The following PRKN variants were observed in gnomAD, a reference collection of about 807,000 sequenced individuals.
PRKN encodes the protein parkin RBR E3 ubiquitin protein ligase, also known as E3 ubiquitin-protein ligase parkin.
Under a neutral mutation model 59.5 loss-of-function variants are expected in PRKN, and 56 were observed. That is an observed-to-expected ratio of 0.94 (90% CI 0.76 to 1.18). The LOEUF (loss-of-function observed/expected upper bound fraction) is 1.18, where lower values mean the gene tolerates loss of function less well. PRKN is among the 50% of genes most tolerant of loss of function. The pLI is 0.00. For missense variants in PRKN, 657 were observed against 596.4 expected (o/e 1.10, Z -1.06); for synonymous variants, 250 against 222.1 (o/e 1.13, Z -1.12).
At chr6:162,297,333 GTA>G (rs1781726558) in intron 2 of PRKN, among the ~76,000 whole-genome samples, 2 of 152,104 alleles carry the variant, frequency 1.3e-5, no homozygotes, top group Non-Finnish European at 2.9e-5. Flanking sequence ...GATCCTGGTA[GTA>G]ATATTGATAT....
At chr6:162,378,968 T>C (rs1786277066) in intron 2 of PRKN, among the ~76,000 whole-genome samples, 1 of 152,150 alleles carries the variant, frequency 6.6e-6, no homozygotes, top group Admixed American at 6.5e-5. Context: ...TGACTCAATA[T>C]CAAGAACTCA....
At position 161,348,208 on chromosome 6, in the gene PRKN, G is replaced by A. The variant is rs2114819799; in HGVS notation, c.*1891C>T. ...GATTTGTCGCATCGGGCCAGTGTAA[G>A]GAAGTGTAATTTAGTGGGACTGCCA... is the stretch of plus-strand genomic sequence containing the variant. On this transcript the variant is annotated 3_prime_UTR_variant, in exon 12 of 12. Coordinates refer to ENST00000366898, the MANE Select transcript of PRKN (RefSeq NM_004562.3). The surrounding 1 kb of genome is among the most constrained non-coding windows in gnomAD (Gnocchi z 4.9). 4.9e-6 allele frequency: 1 copy of A among 205,952 alleles called. No individual in the cohort carries two copies. Among genetic ancestry groups the A allele is most frequent in the East Asian group, 7.3e-5 (1 of 13,702 alleles). 12.8% of individuals were successfully genotyped at this position (205,952 alleles called of 1,614,324 possible). A position where few individuals can be genotyped will look rare whatever the true frequency, so the allele number is the denominator to read the frequency against.
At chr6:162,063,130 A>G (rs1292757462) in intron 4 of PRKN, among the ~76,000 whole-genome samples, 2 of 152,240 alleles carry the variant, frequency 1.3e-5, no homozygotes, top group Admixed American at 6.5e-5. Flanking sequence ...TTGAATTTCA[A>G]TGAACATTAG....
chr6:161,620,248 C>T (rs1171035555), intron 7 of PRKN, among the ~76,000 whole-genome samples: 3 of 151,440 alleles, frequency 2.0e-5, no homozygotes, highest in Admixed American at 1.3e-4. Flanking sequence ...GTGATCCGCC[C>T]GCCTCGGCCT....
At chr6:161,365,504 C>G (rs1785163973) in intron 10 of PRKN, among the ~76,000 whole-genome samples, 1 of 152,188 alleles carries the variant, frequency 6.6e-6, no homozygotes, top group African/African-American at 2.4e-5. Context: ...CTTGAAGAAA[C>G]CTCCTGCCTG....
chr6:162,487,326 G>C (rs569181375), intron 1 of PRKN, among the ~76,000 whole-genome samples: 51 of 152,250 alleles, frequency 3.3e-4, no homozygotes, highest in African/African-American at 1.2e-3. Flanking sequence ...ACTTTGTATA[G>C]AGATAGAAAC....
At chr6:162,113,198 T>G (rs1418683120) in intron 4 of PRKN, among the ~76,000 whole-genome samples, 1 of 152,178 alleles carries the variant, frequency 6.6e-6, no homozygotes. Context: ...ATGTCTTTGC[T>G]GAGCAGAGGC....
At chr6:161,979,142 G>T (rs570735312) in intron 5 of PRKN, among the ~76,000 whole-genome samples, 63 of 151,678 alleles carry the variant, frequency 4.2e-4, no homozygotes, top group Non-Finnish European at 7.4e-4. Flanking sequence ...ATCTATAACA[G>T]CAAATGGCCA....
intron 4 of PRKN, among the ~76,000 whole-genome samples, chr6:162,089,722 TACC>T (rs1779397167): frequency 6.6e-6 from 1 of 152,180 alleles, no homozygotes. Flanking sequence ...AGGAATGAGG[TACC>T]ACAAGTCGCA....
intron 1 of PRKN, among the ~76,000 whole-genome samples, chr6:162,616,275 G>T (rs940620335): frequency 6.6e-6 from 1 of 152,048 alleles, no homozygotes; most frequent in Non-Finnish European, 1.5e-5. Context: ...TAGTAAGCCC[G>T]CTGGGGACAA....
At position 162,274,167 on chromosome 6, in the gene PRKN, T is replaced by TAA. The variant is rs1228248214; in HGVS notation, c.172-11403_172-11402insTT. Among the ~76,000 whole-genome samples the TAA allele has an allele frequency of 1.1e-3, 173 of 151,542 alleles. 2 individuals carry two copies. The highest frequency in any genetic ancestry group is 3.9e-3 in the African/African-American group (159 of 41,096). On this transcript the variant is annotated intron_variant, in intron 2 of 11. Transcript: ENST00000366898. ...TCTTCTTGTAATTTAATTAATTAAT[T>TAA]TATTAATTTATTAATGTATTTATTT...
In PRKN at chr6:161,471,400, A is replaced by G. The variant is rs1160956100; in HGVS notation, c.1083+77454T>C. On this transcript the variant is annotated intron_variant, in intron 9 of 11. Coordinates refer to ENST00000366898, the MANE Select transcript of PRKN (RefSeq NM_004562.3). This position sits in a 1 kb window ranked among gnomAD's most constrained non-coding sequence, Gnocchi z 4.5. The stretch of plus-strand genomic sequence containing the variant: ...ATGAATTCAAACTTATGAATATTCA[A>G]TAAGTTCCCAGTATAATGTCAGCAT... Among the ~76,000 whole-genome samples the G allele has an allele frequency of 6.6e-6, 1 of 152,228 alleles. No homozygotes were observed. The highest frequency in any genetic ancestry group is 2.4e-5 in the African/African-American group (1 of 41,460).
rs1213126330 is a variant in PRKN, at chr6:161,526,794, T to A, written c.1083+22060A>T. On this transcript the variant is annotated intron_variant, in intron 9 of 11. Transcript: ENST00000366898. This position sits in a 1 kb window ranked among gnomAD's most constrained non-coding sequence, Gnocchi z 4.1. Reference sequence around the variant, plus strand: ...ACTGACAGTAGACAGATCAACACGATAAAATACATACAAATTTATTACATA... The same window carrying A: ...ACTGACAGTAGACAGATCAACACGAAAAAATACATACAAATTTATTACATA... Among the ~76,000 whole-genome samples, 1 of 152,128 alleles carries A rather than the reference T, an allele frequency of 6.6e-6. No homozygotes were observed. Among genetic ancestry groups the A allele is most frequent in the Non-Finnish European group, 1.5e-5 (1 of 68,026 alleles).
At chr6:162,610,675 G>A (rs1166411894) in intron 1 of PRKN, among the ~76,000 whole-genome samples, 1 of 152,012 alleles carries the variant, frequency 6.6e-6, no homozygotes, top group Non-Finnish European at 1.5e-5. Flanking sequence ...ACCAGTAACA[G>A]CAAAATAATA....
intron 1 of PRKN, among the ~76,000 whole-genome samples, chr6:162,652,224 G>A (rs935324570): frequency 6.6e-6 from 1 of 152,124 alleles, no homozygotes; most frequent in Non-Finnish European, 1.5e-5. Flanking sequence ...GGCATACGTG[G>A]TGTCTAGCTT....
At position 161,592,585 on chromosome 6, in the gene PRKN, A is replaced by C. The variant is rs1233209761; in HGVS notation, c.872-23169T>G. 6.6e-6 allele frequency among the ~76,000 whole-genome samples: 1 copy of C among 152,160 alleles called. No individual in the cohort carries two copies. Among genetic ancestry groups the C allele is most frequent in the East Asian group, 1.9e-4 (1 of 5,190 alleles). On this transcript the variant is annotated intron_variant, in intron 7 of 11. Transcript: ENST00000366898. The surrounding 1 kb of genome is among the most constrained non-coding windows in gnomAD (Gnocchi z 4.8). ...CAGTTCCTATGCTCAGGGGATTTAC[A>C]CTCCACTAGATGATACTTAAGTACA... is the stretch of plus-strand genomic sequence containing the variant.
At chr6:161,986,937 TA>T (rs1348868904) in intron 5 of PRKN, among the ~76,000 whole-genome samples, 1 of 152,134 alleles carries the variant, frequency 6.6e-6, no homozygotes, top group Non-Finnish European at 1.5e-5. Context: ...TATTGAGCAA[TA>T]AAAAAACAGC....
intron 1 of PRKN, among the ~76,000 whole-genome samples, chr6:162,476,206 T>C (rs1792009695): frequency 6.6e-6 from 1 of 152,042 alleles, no homozygotes; most frequent in Admixed American, 6.6e-5. Flanking sequence ...TACAGGCATG[T>C]GCCACCACGC....
chr6:161,807,672 CA>C (rs1791392565), intron 6 of PRKN, among the ~76,000 whole-genome samples: 1 of 152,186 alleles, frequency 6.6e-6, no homozygotes, highest in Non-Finnish European at 1.5e-5. Context: ...CTCTGTCCCC[CA>C]GGGGCAGTTC....
Sources: gnomAD v4.1 joint callset for allele counts (sites outside exome capture counted in the v4.1 genomes callset) on GRCh38, gnomAD v4.1.1 for gene constraint, Gnocchi (gnomAD v3.1) non-coding constraint, MANE v1.5 for transcripts, NCBI Gene and HGNC (gene_info 2026-07-23, HGNC 2026-07-21) for gene names.